MCPH1: variants seen among roughly 807,000 people sequenced by gnomAD.
MCPH1 encodes the protein microcephalin.
In MCPH1, 104 loss-of-function variants were observed where a neutral mutation model predicts 84.5. The observed-to-expected ratio is 1.23, with a 90% CI of 1.05 to 1.45. The LOEUF is 1.45. MCPH1 is among the 40% of genes most tolerant of loss of function. The probability of loss-of-function intolerance (pLI) is 0.00; values close to 1 mark genes in which losing one functional copy is unlikely to be tolerated. For missense variants in MCPH1, 1,498 were observed against 1,005.7 expected, an observed-to-expected ratio of 1.49 and a Z score of -6.62; for synonymous variants, 514 against 366.8, an observed-to-expected ratio of 1.40 and a Z score of -4.58.
intron 12 of MCPH1, among the ~76,000 whole-genome samples, chr8:6,576,342 C>G (rs1476059530): frequency 6.6e-6 from 1 of 152,172 alleles, no homozygotes; most frequent in Non-Finnish European, 1.5e-5. Flanking sequence ...TCAGGGCCTC[C>G]AGCACTTAGG....
At chr8:6,413,738 G>A (rs1798855097) in intron 2 of MCPH1, among the ~76,000 whole-genome samples, 1 of 150,180 alleles carries the variant, frequency 6.7e-6, no homozygotes, top group Admixed American at 6.6e-5. Flanking sequence ...TGATCATGTT[G>A]CGTGAATACA....
At chr8:6,506,039 TC>T (rs1175393822) in intron 12 of MCPH1, among the ~76,000 whole-genome samples, 3 of 147,718 alleles carry the variant, frequency 2.0e-5, no homozygotes, top group African/African-American at 7.4e-5. Flanking sequence ...ATATATATAT[TC>T]TTTATATATA....
chr8:6,408,109 G>A (rs754905021), intron 1 of MCPH1, among the ~76,000 whole-genome samples: 14 of 152,180 alleles, frequency 9.2e-5, no homozygotes, highest in Non-Finnish European at 1.5e-4. Flanking sequence ...AAAATTAAGC[G>A]TAAGAATTTG....
At chr8:6,484,166 A>C (rs1445781150) in intron 11 of MCPH1, among the ~76,000 whole-genome samples, 1 of 152,252 alleles carries the variant, frequency 6.6e-6, no homozygotes, top group Non-Finnish European at 1.5e-5. Flanking sequence ...ATCTGACAAA[A>C]GATTTATGTC....
intron 12 of MCPH1, among the ~76,000 whole-genome samples, chr8:6,551,147 C>T (rs148529249): frequency 6.6e-6 from 1 of 152,306 alleles, no homozygotes; most frequent in East Asian, 1.9e-4. Flanking sequence ...TGTGCTGATG[C>T]TGACTTAGGA....
chr8:6,624,640 C>T (rs1326686423), intron 13 of MCPH1, among the ~76,000 whole-genome samples: 1 of 152,202 alleles, frequency 6.6e-6, no homozygotes, highest in Non-Finnish European at 1.5e-5. Flanking sequence ...TGGCTTTTCT[C>T]ACCCTCTGCT....
chr8:6,609,823 C>T (rs1355672455), intron 12 of MCPH1, among the ~76,000 whole-genome samples: 2 of 126,494 alleles, frequency 1.6e-5, no homozygotes, highest in East Asian at 4.1e-4. Context: ...CCCCCCGCCC[C>T]CCCCCCACAC....
chr8:6,583,090 C>T (rs1477840655), intron 12 of MCPH1, among the ~76,000 whole-genome samples: 5 of 152,134 alleles, frequency 3.3e-5, no homozygotes, highest in African/African-American at 1.2e-4. Flanking sequence ...AAAAATGCTG[C>T]TTTTCATCTT....
chr8:6,431,085 A>G (rs1372594738), intron 3 of MCPH1, among the ~76,000 whole-genome samples: 1 of 152,188 alleles, frequency 6.6e-6, no homozygotes, highest in Admixed American at 6.5e-5. Context: ...CCAATTTTGG[A>G]GGAAAGAGAT....
At chr8:6,592,678 G>C (rs1260582405) in intron 12 of MCPH1, among the ~76,000 whole-genome samples, 30 of 134,646 alleles carry the variant, frequency 2.2e-4, no homozygotes, top group Admixed American at 8.4e-4. Context: ...TAATTGAGAA[G>C]GGGTCTCACT....
chr8:6,422,926 G>A (rs896604366), intron 3 of MCPH1, among the ~76,000 whole-genome samples: 1 of 151,736 alleles, frequency 6.6e-6, no homozygotes, highest in African/African-American at 2.4e-5. Flanking sequence ...CTGACCTTGT[G>A]ATCCGCCCTC....
chr8:6,509,127 T>G (rs1326559152), intron 12 of MCPH1: 1 of 1,569,672 alleles, frequency 6.4e-7, no homozygotes. Flanking sequence ...GTGGCAAATT[T>G]TTTGTGATGA....
chr8:6,591,848 A>C (rs969125858), intron 12 of MCPH1, among the ~76,000 whole-genome samples: 1 of 152,184 alleles, frequency 6.6e-6, no homozygotes. Context: ...ATACAAAAAA[A>C]GGAGTTGAAA....
At chr8:6,582,805 C>T (rs76774278) in intron 12 of MCPH1, among the ~76,000 whole-genome samples, 1 of 152,192 alleles carries the variant, frequency 6.6e-6, no homozygotes, top group African/African-American at 2.4e-5. Flanking sequence ...CAGTGTGGTG[C>T]CTCTGAGCTC....
intron 9 of MCPH1, among the ~76,000 whole-genome samples, chr8:6,471,404 T>C (rs1216145326): frequency 6.6e-6 from 1 of 152,166 alleles, no homozygotes; most frequent in Non-Finnish European, 1.5e-5. Context: ...AAAAAAATGA[T>C]ACTCAATTAC....
Position 6,643,137 on chromosome 8 carries a change from G to T in MCPH1, c.*88G>T, listed in dbSNP as rs1422818454. On this transcript the variant is annotated 3_prime_UTR_variant, in exon 14 of 14. Transcript: ENST00000344683. ...ATGAGAAACAAAACTGTGAAGAGAAGGAACTGGCGTATACAAGATGACTTC... is the reference window on the plus strand; with the variant it reads ...ATGAGAAACAAAACTGTGAAGAGAATGAACTGGCGTATACAAGATGACTTC... 19 of 1,153,050 alleles carry T rather than the reference G, an allele frequency of 1.6e-5. No individual in the cohort carries two copies. Among genetic ancestry groups the T allele is most frequent in the Non-Finnish European group, 2.2e-5 (17 of 770,602 alleles). 71.4% of individuals were successfully genotyped at this position (1,153,050 alleles called of 1,614,324 possible). A position where few individuals can be genotyped will look rare whatever the true frequency, so the allele number is the denominator to read the frequency against.
At chr8:6,443,385 C>T (rs1208692917) in intron 7 of MCPH1, among the ~76,000 whole-genome samples, 2 of 147,830 alleles carry the variant, frequency 1.4e-5, no homozygotes, top group African/African-American at 2.7e-5. Flanking sequence ...CAACTACTGC[C>T]TTGAAGACAC....
chr8:6,540,404 A>G (rs2129573652), intron 12 of MCPH1, among the ~76,000 whole-genome samples: 1 of 152,304 alleles, frequency 6.6e-6, no homozygotes, highest in South Asian at 2.1e-4. Context: ...AACCTCATGT[A>G]AATTTCTTTG....
chr8:6,502,581 G>A (rs986702341), intron 12 of MCPH1: 10 of 152,326 alleles, frequency 6.6e-5, no homozygotes, highest in African/African-American at 2.2e-4. Flanking sequence ...TAAACTTCTA[G>A]TAACCCCTTC....
Sources: gnomAD v4.1 joint callset for allele counts (sites outside exome capture counted in the v4.1 genomes callset) on GRCh38, gnomAD v4.1.1 for gene constraint, MANE v1.5 for transcripts, NCBI Gene and HGNC (gene_info 2026-07-23, HGNC 2026-07-21) for gene names.